Variants in UNC5D observed in about 807,000 individuals in gnomAD.
UNC5D encodes unc-5 netrin receptor D, also known as netrin receptor UNC5D.
Under a neutral mutation model 105.4 loss-of-function variants are expected in UNC5D, and 39 were observed. The observed-to-expected ratio is 0.37, with a 90% CI of 0.29 to 0.48. The LOEUF is 0.48. Ranked by LOEUF, UNC5D falls within the 20% of genes least tolerant of loss-of-function variation. The pLI is 0.98. For synonymous variants in UNC5D, 452 were observed against 450.4 expected (o/e 1.00, Z -0.04); for missense variants, 991 against 1,202.4 (o/e 0.82, Z 2.60).
intron 8 of UNC5D, among the ~76,000 whole-genome samples, chr8:35,710,765 C>T (rs1282930927): frequency 1.3e-5 from 2 of 152,072 alleles, no homozygotes; most frequent in African/African-American, 4.8e-5. Context: ...AAAATGGTGT[C>T]CCAGAAGAAA....
intron 1 of UNC5D, among the ~76,000 whole-genome samples, chr8:35,299,648 T>A (rs1218464763): frequency 6.6e-6 from 1 of 152,230 alleles, no homozygotes; most frequent in Admixed American, 6.5e-5. Flanking sequence ...TAACTCAGGA[T>A]CTTACTTTCA....
At chr8:35,401,758 GA>G (rs1313420651) in intron 1 of UNC5D, among the ~76,000 whole-genome samples, 8 of 151,946 alleles carry the variant, frequency 5.3e-5, no homozygotes, top group Non-Finnish European at 8.8e-5. Context: ...ACAAATTAAA[GA>G]AAAAAACATC....
intron 4 of UNC5D, among the ~76,000 whole-genome samples, chr8:35,624,529 C>A (rs1821580702): frequency 6.6e-6 from 1 of 152,180 alleles, no homozygotes; most frequent in African/African-American, 2.4e-5. Flanking sequence ...AGAATCCAAA[C>A]CCTACTTCTG....
chr8:35,298,586 GTTT>G (rs35299004), intron 1 of UNC5D, among the ~76,000 whole-genome samples: 2 of 110,566 alleles, frequency 1.8e-5, no homozygotes, highest in African/African-American at 6.8e-5. Flanking sequence ...ATTGTTGTAG[GTTT>G]TTTTTTTTTT....
intron 1 of UNC5D, among the ~76,000 whole-genome samples, chr8:35,290,447 T>C (rs939815047): frequency 6.7e-6 from 1 of 148,832 alleles, no homozygotes; most frequent in Non-Finnish European, 1.5e-5. Context: ...AATTAGAGAG[T>C]AGAACAGTGG....
At chr8:35,367,876 C>A (rs1802213446) in intron 1 of UNC5D, among the ~76,000 whole-genome samples, 1 of 152,156 alleles carries the variant, frequency 6.6e-6, no homozygotes, top group Admixed American at 6.5e-5. Context: ...ACACATAAAT[C>A]ATTTACAAGG....
chr8:35,569,694 G>A (rs1817592431), intron 3 of UNC5D, among the ~76,000 whole-genome samples: 1 of 152,162 alleles, frequency 6.6e-6, no homozygotes. Flanking sequence ...TAGCAGGCCA[G>A]CTGAGAGAGA....
At chr8:35,399,680 C>T (rs544446181) in intron 1 of UNC5D, among the ~76,000 whole-genome samples, 1 of 152,104 alleles carries the variant, frequency 6.6e-6, no homozygotes, top group Non-Finnish European at 1.5e-5. Context: ...GCTTTAATTA[C>T]AGGATAAAGG....
At chr8:35,766,313 G>GTC (rs1207408032) in intron 14 of UNC5D, among the ~76,000 whole-genome samples, 44 of 151,976 alleles carry the variant, frequency 2.9e-4, no homozygotes, top group Non-Finnish European at 2.9e-5. Flanking sequence ...GTGTCTGTCT[G>GTC]TCTCTCTTCC....
Position 35,632,644 on chromosome 8 carries a change from CT to C in UNC5D, c.570+36994del, listed in dbSNP as rs568744272. Among the ~76,000 whole-genome samples, 176 of 152,302 alleles carry C rather than the reference CT, an allele frequency of 1.2e-3. 1 individual carries two copies. The highest frequency in any genetic ancestry group is 4.0e-3 in the African/African-American group (166 of 41,576). ...AGCACTTCCCTAAACCAGGGCTTACCTTTTTTTCTCTGTCTTGTTCACTGCA... is the reference window on the plus strand; with the variant it reads ...AGCACTTCCCTAAACCAGGGCTTACCTTTTTTCTCTGTCTTGTTCACTGCA... On this transcript the variant is annotated intron_variant, in intron 4 of 16. Coordinates refer to ENST00000404895, the MANE Select transcript of UNC5D (RefSeq NM_080872.4).
At chr8:35,270,692 T>C (rs569698334) in intron 1 of UNC5D, among the ~76,000 whole-genome samples, 1 of 152,320 alleles carries the variant, frequency 6.6e-6, no homozygotes, top group Admixed American at 6.5e-5. Flanking sequence ...AATGATAAAA[T>C]CTAAGACACA....
intron 4 of UNC5D, among the ~76,000 whole-genome samples, chr8:35,628,909 G>T (rs189868893): frequency 6.6e-6 from 1 of 152,146 alleles, no homozygotes; most frequent in African/African-American, 2.4e-5. Context: ...TAATTATATA[G>T]GCTTATCCAA....
At chr8:35,771,241 C>T (rs1318714122) in intron 15 of UNC5D, among the ~76,000 whole-genome samples, 1 of 152,150 alleles carries the variant, frequency 6.6e-6, no homozygotes, top group Non-Finnish European at 1.5e-5. Flanking sequence ...GGTGGTTTTT[C>T]TTCTGCCCAC....
chr8:35,556,442 C>A (rs1396042462), intron 2 of UNC5D, among the ~76,000 whole-genome samples: 10 of 152,096 alleles, frequency 6.6e-5, no homozygotes, highest in African/African-American at 4.8e-5. Context: ...CTGATCCAGA[C>A]CCCAAGAGAG....
chr8:35,754,834 A>C (rs1444894197), intron 13 of UNC5D, among the ~76,000 whole-genome samples: 2 of 152,236 alleles, frequency 1.3e-5, no homozygotes, highest in Non-Finnish European at 2.9e-5. Context: ...CCTGGCTAAG[A>C]CATAATTTAG....
In UNC5D at chr8:35,401,440, G is replaced by A. The variant is rs142987490; in HGVS notation, c.104-147852G>A. Among the ~76,000 whole-genome samples, 912 of 152,154 alleles carry A rather than the reference G, an allele frequency of 6.0e-3. 10 individuals carry two copies. The highest frequency in any genetic ancestry group is 0.021 in the African/African-American group (852 of 41,520). The stretch of plus-strand genomic sequence containing the variant: ...CAGAGGTTGCAGTGAGCCGAGATCC[G>A]GCCACTGCACTCCAGCCTGGACAAC... On this transcript the variant is annotated intron_variant, in intron 1 of 16. Coordinates refer to ENST00000404895, the MANE Select transcript of UNC5D (RefSeq NM_080872.4).
intron 1 of UNC5D, among the ~76,000 whole-genome samples, chr8:35,422,257 A>G (rs867523760): frequency 6.6e-6 from 1 of 152,328 alleles, no homozygotes; most frequent in South Asian, 2.1e-4. Flanking sequence ...GGAAACACCA[A>G]CACCAAAGAA....
intron 1 of UNC5D, among the ~76,000 whole-genome samples, chr8:35,314,455 G>C (rs1376198867): frequency 6.6e-6 from 1 of 152,078 alleles, no homozygotes; most frequent in Non-Finnish European, 1.5e-5. Flanking sequence ...TCCATATCAT[G>C]TAAGAGACAC....
At chr8:35,533,316 T>A (rs1360843966) in intron 1 of UNC5D, among the ~76,000 whole-genome samples, 1 of 151,954 alleles carries the variant, frequency 6.6e-6, no homozygotes, top group East Asian at 1.9e-4. Context: ...GTGTGAGGGG[T>A]CAGTGTGCCC....
Sources: gnomAD v4.1 joint callset for allele counts (sites outside exome capture counted in the v4.1 genomes callset) on GRCh38, gnomAD v4.1.1 for gene constraint, MANE v1.5 for transcripts, NCBI Gene and HGNC (gene_info 2026-07-23, HGNC 2026-07-21) for gene names.